The following TCN2 variants were observed in gnomAD, a reference collection of about 807,000 sequenced individuals.
TCN2 encodes transcobalamin 2.
TCN2 carries 34 observed loss-of-function variants against 48.6 expected under a neutral mutation model. The observed-to-expected ratio is 0.70, with a 90% CI of 0.53 to 0.93. The LOEUF (loss-of-function observed/expected upper bound fraction) is 0.93. Ranked by LOEUF, TCN2 falls within the 40% of genes least tolerant of loss-of-function variation. TCN2 has a pLI of 0.00. For synonymous variants in TCN2, 283 were observed against 212.5 expected (o/e 1.33, Z -2.89); for missense variants, 652 against 526.1 (o/e 1.24, Z -2.34).
chr22:30,612,853 A>AT lies in TCN2; in HGVS notation c.258-18dup, dbSNP rs2087561140. 1.2e-6 allele frequency: 2 copies of AT among 1,612,656 alleles called. No homozygotes were observed. The highest frequency in any genetic ancestry group is 1.3e-5 in the African/African-American group (1 of 75,012). ...CGGGGTGGCAGTTTCTCACAAAGGCATTAACTGGCCTTGTCCTAGGTCTGC... is the reference window on the plus strand; with the variant it reads ...CGGGGTGGCAGTTTCTCACAAAGGCATTTAACTGGCCTTGTCCTAGGTCTGC... On this transcript the variant is annotated intron_variant, in intron 2 of 8. Coordinates refer to ENST00000215838, the MANE Select transcript of TCN2 (RefSeq NM_000355.4).
chr22:30,623,821 C>CATATGTATACATAT (rs1189547818), intron 8 of TCN2, among the ~76,000 whole-genome samples: 1 of 30,626 alleles, frequency 3.3e-5, no homozygotes, highest in Non-Finnish European at 5.6e-5. Flanking sequence ...TATACACACA[C>CATATGTATACATAT]ATACACACAC....
intron 7 of TCN2, 73 bp from the exon 8 acceptor site, chr22:30,622,895 T>G: frequency 6.7e-7 from 1 of 1,489,166 alleles, no homozygotes; most frequent in Non-Finnish European, 9.4e-7. Flanking sequence ...TTTGCTGCTG[T>G]GGGTGAGCAC....
chr22:30,611,252 C>G lies in TCN2; in HGVS notation c.257+189C>G, dbSNP rs567736598. On this transcript the variant is annotated intron_variant, in intron 2 of 8. Coordinates refer to ENST00000215838, the MANE Select transcript of TCN2 (RefSeq NM_000355.4). ...TTGGATTAGATCAGAGATGCTAATG[C>G]AAGGCTCCTTTTGCTACTACTGTCC... 10 of 699,402 alleles carry G rather than the reference C, an allele frequency of 1.4e-5. No homozygotes were observed. The South Asian group carries it at 1.7e-4, about 12-fold the overall frequency. The allele number at this position is 699,402 out of a possible 1,614,324, so 43.3% of individuals were successfully genotyped here.
At position 30,608,335 on chromosome 22, in the gene TCN2, C is replaced by T. The variant is rs2087483795; in HGVS notation, c.64+940C>T. On this transcript the variant is annotated intron_variant, in intron 1 of 8. Coordinates refer to ENST00000215838, the MANE Select transcript of TCN2 (RefSeq NM_000355.4). The stretch of plus-strand genomic sequence containing the variant: ...GAGTGACCCACTCAGGGTGCTCCAC[C>T]TTTTCCAGAGCTTTGCTGAACTTAG... 2.6e-5 allele frequency among the ~76,000 whole-genome samples: 4 copies of T among 152,192 alleles called. No individual in the cohort carries two copies. In the South Asian group the frequency reaches 8.3e-4, roughly 32 times the overall value.
chr22:30,610,510 A>C (rs1190394958), intron 1 of TCN2, among the ~76,000 whole-genome samples: 3 of 152,240 alleles, frequency 2.0e-5, no homozygotes, highest in Non-Finnish European at 2.9e-5. Context: ...CAATGATGAC[A>C]GTATCTACAT....
chr22:30,624,192 A>G (rs1237244698), intron 8 of TCN2, among the ~76,000 whole-genome samples: 1 of 150,986 alleles, frequency 6.6e-6, no homozygotes, highest in African/African-American at 2.4e-5. Flanking sequence ...CTCCTGCCTC[A>G]GCCTCCCAAG....
At position 30,611,056 on chromosome 22, in the gene TCN2, C is replaced by G; in HGVS notation, c.250C>G (p.Leu84Val). Reference sequence around the variant, plus strand: ...CCTCAAGCTTGGTTACCAGCAGTGCCTCCTAGGGTATTGCCACACTCTCTT... The same window carrying G: ...CCTCAAGCTTGGTTACCAGCAGTGCGTCCTAGGGTATTGCCACACTCTCTT... ...HSLKLGYQQC[L>V]LGSAFSEDDG... The change falls in exon 2 of 9, where the codon CTC becomes GTC. Residue 84 changes from leucine (L) to valine (V), a missense_variant. Transcript: ENST00000215838. The G allele has an allele frequency of 1.9e-6, 3 of 1,614,008 alleles. No homozygotes were observed. Among genetic ancestry groups the G allele is most frequent in the South Asian group, 2.2e-5 (2 of 91,074 alleles).
intron 2 of TCN2, 23 bp downstream of exon 2, chr22:30,611,086 CATGTCTTGCTCCACATACTAA>C (rs1380372111): frequency 1.2e-6 from 2 of 1,613,630 alleles, no homozygotes; most frequent in Non-Finnish European, 1.7e-6. Flanking sequence ...TCTCTTTTTC[CATGTCTTGCTCCACATACTAA>C]GAGATGGGAA....
chr22:30,626,362 TAC>T, intron 8 of TCN2, 96 bp from the exon 9 acceptor site: 1 of 1,334,242 alleles, frequency 7.5e-7, no homozygotes, highest in African/African-American at 1.4e-5. Context: ...GGTGGATTCT[TAC>T]AGACTCTAGC....
chr22:30,615,082 G>T lies in TCN2; in HGVS notation c.581-219G>T, dbSNP rs757874. 0.14 allele frequency among the ~76,000 whole-genome samples: 20,732 copies of T among 152,160 alleles called. 1,690 individuals carry two copies. Among genetic ancestry groups the T allele is most frequent in the Non-Finnish European group, 0.19 (12,776 of 67,972 alleles). On this transcript the variant is annotated intron_variant, in intron 4 of 8. Coordinates refer to ENST00000215838, the MANE Select transcript of TCN2 (RefSeq NM_000355.4). Reference sequence around the variant, plus strand: ...CAGCCAAACCAGTTTGCCCAGAAATGAGCAGTTTCCTGGGACACAGGATTT... The same window carrying T: ...CAGCCAAACCAGTTTGCCCAGAAATTAGCAGTTTCCTGGGACACAGGATTT...
In TCN2 at chr22:30,614,864, G is replaced by A. The variant is rs141290359; in HGVS notation, c.580+363G>A. On this transcript the variant is annotated intron_variant, in intron 4 of 8. Transcript: ENST00000215838. Reference sequence around the variant, plus strand: ...GCGGAGGCTGCAGTGAGTGGAGATCGCACCACTGCCCTCCAGCCTGGGCAA... The same window carrying A: ...GCGGAGGCTGCAGTGAGTGGAGATCACACCACTGCCCTCCAGCCTGGGCAA... Among the ~76,000 whole-genome samples the A allele has an allele frequency of 3.6e-3, 554 of 152,188 alleles. 6 individuals are homozygous for A. The highest frequency in any genetic ancestry group is 0.01 in the Middle Eastern group (3 of 294).
In TCN2 at chr22:30,614,255, G is replaced by C. The variant is rs5749134; in HGVS notation, c.428-94G>C. The stretch of plus-strand genomic sequence containing the variant: ...GAAGGATCCCATGACCCAAAAGAGC[G>C]TGTTGGAAAGTGCAGGCCAGGGTCC... On this transcript the variant is annotated intron_variant, in intron 3 of 8. Coordinates refer to ENST00000215838, the MANE Select transcript of TCN2 (RefSeq NM_000355.4). The C allele has an allele frequency of 0.39, 595,345 of 1,515,532 alleles. 120,675 individuals are homozygous for C. Among genetic ancestry groups the C allele is most frequent in the Non-Finnish European group, 0.42 (464,237 of 1,110,288 alleles). The allele number at this position is 1,515,532 out of a possible 1,614,324, so 93.9% of individuals were successfully genotyped here.
chr22:30,612,794 G>C (rs1357482701), intron 2 of TCN2, 79 bp from the exon 3 acceptor site: 14 of 1,572,186 alleles, frequency 8.9e-6, no homozygotes, highest in Non-Finnish European at 1.1e-5. Context: ...CCCGCTTTGT[G>C]ATGCGGGTGG....
Position 30,614,389 on chromosome 22 carries a change from G to A in TCN2, c.468G>A (p.Gln156=). The A allele has an allele frequency of 1.2e-6, 2 of 1,614,208 alleles. No individual in the cohort carries two copies. The highest frequency in any genetic ancestry group is 1.7e-6 in the Non-Finnish European group (2 of 1,180,038). Residue 156 remains glutamine, a synonymous_variant, in exon 4 of 9, where the codon CAG becomes CAA. Coordinates refer to ENST00000215838, the MANE Select transcript of TCN2 (RefSeq NM_000355.4). ...HKGHPHTSYY[Q]YGLGILALCL... is the part of the protein sequence containing the mutation. ...GCCACCCCCACACTAGCTACTACCA[G>A]TATGGCCTGGGCATTCTGGCCCTGT... is the stretch of plus-strand genomic sequence containing the variant.
intron 1 of TCN2, among the ~76,000 whole-genome samples, chr22:30,609,160 T>C (rs79524592): frequency 7.1e-6 from 1 of 141,558 alleles, no homozygotes; most frequent in Admixed American, 7.1e-5. Context: ...TTTCTTCTTC[T>C]TTTTTTTTTT....
chr22:30,619,820 C>A (rs1480205056), intron 7 of TCN2, among the ~76,000 whole-genome samples: 1 of 152,120 alleles, frequency 6.6e-6, no homozygotes, highest in Non-Finnish European at 1.5e-5. Flanking sequence ...GTTATTTCTT[C>A]TATAATATCA....
rs1317871405 is a variant in TCN2, at chr22:30,612,877, G to A, written c.262G>A (p.Ala88Thr). 1.9e-6 allele frequency: 3 copies of A among 1,613,552 alleles called. No homozygotes were observed. Among genetic ancestry groups the A allele is most frequent in the Non-Finnish European group, 2.5e-6 (3 of 1,180,006 alleles). Residue 88 changes from alanine (A) to threonine (T), a missense_variant, in exon 3 of 9, where the codon GCC (alanine) becomes ACC (threonine). Transcript: ENST00000215838. ...CATTAACTGGCCTTGTCCTAGGTCT[G>A]CCTTCAGCGAGGATGACGGTGACTG... Reference protein sequence around the residue: ...LGYQQCLLGSAFSEDDGDCQG... With the variant: ...LGYQQCLLGSTFSEDDGDCQG...
intron 7 of TCN2, among the ~76,000 whole-genome samples, chr22:30,619,135 G>A (rs1361347070): frequency 6.6e-6 from 1 of 152,156 alleles, no homozygotes; most frequent in Non-Finnish European, 1.5e-5. Context: ...AGAGTGCAGT[G>A]GCACAATCAC....
At position 30,611,043 on chromosome 22, in the gene TCN2, T is replaced by C; in HGVS notation, c.237T>C (p.Gly79=). The stretch of plus-strand genomic sequence containing the variant: ...TCTACCTGCACAGCCTCAAGCTTGG[T>C]TACCAGCAGTGCCTCCTAGGGTATT... ...EDLYLHSLKL[G]YQQCLLGSAF... is the part of the protein sequence containing the mutation. The change falls in exon 2 of 9, where the codon GGT becomes GGC. Residue 79 remains glycine (G), a synonymous_variant. Transcript: ENST00000215838. 1 of 1,614,082 alleles carries C rather than the reference T, an allele frequency of 6.2e-7. No individual in the cohort carries two copies. The highest frequency in any genetic ancestry group is 8.5e-7 in the Non-Finnish European group (1 of 1,179,980).
Sources: allele counts gnomAD v4.1 joint callset (sites outside exome capture counted in the v4.1 genomes callset), GRCh38; gene constraint gnomAD v4.1.1; transcripts MANE v1.5; gene names NCBI Gene and HGNC (gene_info 2026-07-23, HGNC 2026-07-21).